The following FBXO42 variants were observed in gnomAD, a reference collection of about 807,000 sequenced individuals.
FBXO42 encodes F-box protein 42.
FBXO42 carries 12 observed loss-of-function variants against 71.7 expected under a neutral mutation model. The observed-to-expected ratio is 0.17, with a 90% CI of 0.11 to 0.27. FBXO42 has a LOEUF of 0.27. FBXO42 is among the 10% of genes least tolerant of loss of function. The pLI, the probability that FBXO42 is intolerant of heterozygous loss-of-function variation, is 1.00. For synonymous variants in FBXO42, 325 were observed against 327.5 expected (o/e 0.99, Z 0.08); for missense variants, 707 against 911.9 (o/e 0.78, Z 2.89).
chr1:16,311,527 T>C (rs6672025), intron 2 of FBXO42, among the ~76,000 whole-genome samples: 3,680 of 137,428 alleles, frequency 0.027, 160 homozygotes, highest in African/African-American at 0.094. Context: ...TATATATATA[T>C]ACATATGTAT....
chr1:16,294,669 G>A (rs2082110968), intron 4 of FBXO42, 114 bp downstream of exon 4: 3 of 1,036,130 alleles, frequency 2.9e-6, no homozygotes, highest in Non-Finnish European at 1.4e-6. Flanking sequence ...TAAACTTAAG[G>A]ACCTGAGTCC....
At chr1:16,331,708 C>T (rs746117922) in intron 1 of FBXO42, among the ~76,000 whole-genome samples, 7 of 151,308 alleles carry the variant, frequency 4.6e-5, no homozygotes, top group Admixed American at 1.3e-4. Flanking sequence ...GAGCCGAGAT[C>T]GCACTACTGG....
intron 1 of FBXO42, among the ~76,000 whole-genome samples, chr1:16,350,783 A>C (rs1362063144): frequency 1.3e-5 from 2 of 150,464 alleles, no homozygotes; most frequent in South Asian, 2.1e-4. Flanking sequence ...GAAAGAAAGA[A>C]AGAAAGAAAG....
chr1:16,281,532 G>A (rs138987339), intron 4 of FBXO42, among the ~76,000 whole-genome samples: 8 of 149,582 alleles, frequency 5.3e-5, no homozygotes, highest in Non-Finnish European at 8.9e-5. Context: ...TGCAGTGACA[G>A]AACATGGTTC....
At position 16,255,717 on chromosome 1, in the gene FBXO42, CG is replaced by C. The variant is rs1351262865; in HGVS notation, c.760del (p.Arg254GlyfsTer3). ...MIVFGGSLGS[R>X]QMSNDVWVLD... Reference sequence around the variant, plus strand: ...GCAAACCAAATGTACTTACATTTGCCGGGATCCTAAAGAGCCACCAAAGACA... The same window carrying C: ...GCAAACCAAATGTACTTACATTTGCCGGATCCTAAAGAGCCACCAAAGACA... On this transcript the variant is annotated frameshift_variant, in exon 6 of 10. Coordinates refer to ENST00000375592, the MANE Select transcript of FBXO42 (RefSeq NM_018994.3). LOFTEE classifies it high-confidence loss of function. 1.2e-6 allele frequency: 2 copies of C among 1,613,268 alleles called. No homozygotes were observed. The highest frequency in any genetic ancestry group is 1.7e-6 in the Non-Finnish European group (2 of 1,179,522).
chr1:16,340,560 C>G (rs1016174202), intron 1 of FBXO42, among the ~76,000 whole-genome samples: 6 of 152,202 alleles, frequency 3.9e-5, no homozygotes, highest in Non-Finnish European at 5.9e-5. Context: ...CTCAAGTGAT[C>G]CACCCACCTT....
intron 4 of FBXO42, among the ~76,000 whole-genome samples, chr1:16,277,380 TTTTC>T (rs1203714382): frequency 4.6e-5 from 7 of 152,180 alleles, no homozygotes; most frequent in Non-Finnish European, 1.0e-4. Flanking sequence ...CATTCTTTTT[TTTTC>T]TTTTTTTCTC....
chr1:16,334,429 A>C lies in FBXO42; in HGVS notation c.-18+17826T>G, dbSNP rs571224177. Among the ~76,000 whole-genome samples, 6 of 151,880 alleles carry C rather than the reference A, an allele frequency of 4.0e-5. No homozygotes were observed. The East Asian group carries it at 5.8e-4, about 15-fold the overall frequency. On this transcript the variant is annotated intron_variant, in intron 1 of 9. Coordinates refer to ENST00000375592, the MANE Select transcript of FBXO42 (RefSeq NM_018994.3). ...GTGAGACTCCGCCTCAAAAAAAAAA[A>C]AAAAAAAAAAACAGACTGATTCTAC... is the stretch of plus-strand genomic sequence containing the variant.
chr1:16,324,082 A>G (rs1218544557), intron 1 of FBXO42, among the ~76,000 whole-genome samples: 2 of 152,162 alleles, frequency 1.3e-5, no homozygotes, highest in Non-Finnish European at 2.9e-5. Flanking sequence ...AATCTAAGAC[A>G]ATAAGCCTTC....
At chr1:16,316,307 C>T (rs186582063) in intron 1 of FBXO42, among the ~76,000 whole-genome samples, 30 of 152,122 alleles carry the variant, frequency 2.0e-4, no homozygotes, top group Admixed American at 5.9e-4. Flanking sequence ...GTGTTTACCC[C>T]GAGATAACTT....
chr1:16,262,477 C>T (rs1357761440), intron 4 of FBXO42, among the ~76,000 whole-genome samples: 1 of 152,078 alleles, frequency 6.6e-6, no homozygotes, highest in Non-Finnish European at 1.5e-5. Context: ...GAGGTCAAGG[C>T]GGGTGGATCA....
At chr1:16,272,479 G>A (rs891500317) in intron 4 of FBXO42, among the ~76,000 whole-genome samples, 2 of 152,020 alleles carry the variant, frequency 1.3e-5, no homozygotes, top group Admixed American at 6.5e-5. Context: ...GGCTGGTTTC[G>A]AACTCCTGAC....
At chr1:16,292,105 A>G (rs528865551) in intron 4 of FBXO42, among the ~76,000 whole-genome samples, 2 of 152,372 alleles carry the variant, frequency 1.3e-5, no homozygotes, top group Non-Finnish European at 2.9e-5. Flanking sequence ...ATTTTGTTAG[A>G]AAATTACTTT....
At chr1:16,286,886 G>A (rs763483821) in intron 4 of FBXO42, among the ~76,000 whole-genome samples, 5 of 152,038 alleles carry the variant, frequency 3.3e-5, no homozygotes, top group African/African-American at 1.2e-4. Context: ...TCCAAAATAT[G>A]AGCAAATCCC....
intron 1 of FBXO42, among the ~76,000 whole-genome samples, chr1:16,334,289 C>A (rs367656958): frequency 9.2e-5 from 14 of 151,920 alleles, no homozygotes; most frequent in Non-Finnish European, 1.9e-4. Flanking sequence ...AAAAATTAGC[C>A]AGGTGTGGTG....
intron 1 of FBXO42, among the ~76,000 whole-genome samples, chr1:16,342,581 CAA>C (rs58125011): frequency 1.5e-4 from 19 of 125,306 alleles, no homozygotes; most frequent in Middle Eastern, 4.4e-3. Flanking sequence ...GATCCTGTCT[CAA>C]AAAAAAAAAA....
At chr1:16,257,486 G>GAA (rs201112591) in intron 4 of FBXO42, among the ~76,000 whole-genome samples, 18 of 151,262 alleles carry the variant, frequency 1.2e-4, no homozygotes, top group African/African-American at 4.4e-4. Context: ...ACCAAATTCT[G>GAA]AAAAAAAACA....
chr1:16,303,974 T>C (rs1026410467), intron 3 of FBXO42, among the ~76,000 whole-genome samples: 10 of 152,112 alleles, frequency 6.6e-5, no homozygotes, highest in African/African-American at 2.2e-4. Flanking sequence ...GATGGAATTG[T>C]TCATATTTTT....
At chr1:16,294,081 G>A (rs549044204) in intron 4 of FBXO42, 1 of 152,174 alleles carries the variant, frequency 6.6e-6, no homozygotes, top group Non-Finnish European at 1.5e-5. Context: ...TTTGGGAAAA[G>A]CTTGCCAAAA....
Sources: gnomAD v4.1 joint callset for allele counts (sites outside exome capture counted in the v4.1 genomes callset) on GRCh38, gnomAD v4.1.1 for gene constraint, MANE v1.5 for transcripts, NCBI Gene and HGNC (gene_info 2026-07-23, HGNC 2026-07-21) for gene names.